The following WAC variants were observed in gnomAD, a reference collection of about 807,000 sequenced individuals.
WAC encodes the protein WW domain containing adaptor with coiled-coil, also known as WW domain-containing adapter protein with coiled-coil.
In WAC, 11 loss-of-function variants were observed where a neutral mutation model predicts 79.6. The ratio of observed to expected loss-of-function variants is 0.14; its 90% CI spans 0.09 to 0.23. The LOEUF (loss-of-function observed/expected upper bound fraction) is 0.23, where lower values mean the gene tolerates loss of function less well. Ranked by LOEUF, WAC falls within the 10% of genes least tolerant of loss-of-function variation. The pLI, the probability that WAC is intolerant of heterozygous loss-of-function variation, is 1.00. For synonymous variants in WAC, 304 were observed against 276.9 expected, an observed-to-expected ratio of 1.10 and a Z score of -0.97; for missense variants, 728 against 773.5, an observed-to-expected ratio of 0.94 and a Z score of 0.70.
At position 28,590,800 on chromosome 10, in the gene WAC, AAGCAAC is replaced by A; in HGVS notation, c.582_587del (p.Ala196_Thr197del). 6.2e-7 allele frequency: 1 copy of A among 1,611,840 alleles called. No individual in the cohort carries two copies. The highest frequency in any genetic ancestry group is 8.5e-7 in the Non-Finnish European group (1 of 1,179,436). Reference sequence around the variant, plus strand: ...AGGGATTACAGAAGAGAGGTGATGCAAGCAACAGCCACTAGTGGGTTTGCCAGTGGA... The same window carrying A: ...AGGGATTACAGAAGAGAGGTGATGCAAGCCACTAGTGGGTTTGCCAGTGGA... On this transcript the variant is annotated inframe_deletion, in exon 6 of 14. Coordinates refer to ENST00000354911, the MANE Select transcript of WAC (RefSeq NM_016628.5).
chr10:28,540,851 C>A (rs1178796506), intron 3 of WAC, among the ~76,000 whole-genome samples: 1 of 151,854 alleles, frequency 6.6e-6, no homozygotes, highest in Non-Finnish European at 1.5e-5. Flanking sequence ...GAAGGAGTAG[C>A]AGTCTTAATG....
intron 3 of WAC, among the ~76,000 whole-genome samples, chr10:28,580,918 C>T (rs554549701): frequency 1.3e-5 from 2 of 152,096 alleles, no homozygotes; most frequent in Non-Finnish European, 2.9e-5. Context: ...CTGTGACTTA[C>T]TACAGTGGAC....
intron 1 of WAC, 52 bp from the exon 2 acceptor site, chr10:28,533,946 C>G (rs573773244): frequency 1.3e-6 from 2 of 1,595,552 alleles, no homozygotes; most frequent in African/African-American, 1.4e-5. Flanking sequence ...TCCTCCCCGG[C>G]CCCCCACCCG....
chr10:28,573,299 T>C (rs1839074313), intron 3 of WAC, among the ~76,000 whole-genome samples: 1 of 152,174 alleles, frequency 6.6e-6, no homozygotes, highest in Non-Finnish European at 1.5e-5. Flanking sequence ...CTTTCATTTT[T>C]TCTTCTCAAA....
chr10:28,577,151 G>A (rs1380930907), intron 3 of WAC, among the ~76,000 whole-genome samples: 1 of 152,004 alleles, frequency 6.6e-6, no homozygotes, highest in African/African-American at 2.4e-5. Flanking sequence ...TATAAGTTTC[G>A]CTTTTCACCA....
At position 28,595,789 on chromosome 10, in the gene WAC, C is replaced by G; in HGVS notation, c.667C>G (p.Gln223Glu). The G allele has an allele frequency of 6.2e-7, 1 of 1,614,090 alleles. No homozygotes were observed. The highest frequency in any genetic ancestry group is 8.5e-7 in the Non-Finnish European group (1 of 1,180,004). The change falls in exon 7 of 14, where the codon CAA (glutamine) becomes GAA (glutamate). Residue 223 changes from glutamine to glutamate, a missense_variant. Gln to Glu is a conservative substitution (Grantham distance 29). This residue lies in a region of WAC where 648 missense variants were observed against 661.5 expected (regional missense o/e 0.98). Transcript: ENST00000354911. ...TTTGCTCCCACAGAATATTTTGTCT[C>G]AAACAAGCAGACACAATGACAGAGA... is the stretch of plus-strand genomic sequence containing the variant. ...SSLLPQNILS[Q>E]TSRHNDRDYR...
rs1353734882 is a variant in WAC, at chr10:28,608,257, A to T, written c.991A>T (p.Asn331Tyr). 2 of 1,614,012 alleles carry T rather than the reference A, an allele frequency of 1.2e-6. No individual in the cohort carries two copies. Residue 331 changes from asparagine to tyrosine, a missense_variant, in exon 8 of 14, where the codon AAC (asparagine) becomes TAC (tyrosine). By Grantham distance (143) the Asn-to-Tyr change is moderately radical. Around this residue, in one of 3 missense-constraint regions of WAC, gnomAD observed 648 missense variants for 661.5 expected, o/e 0.98. Transcript: ENST00000354911. ...TPSTSSASGL[N>Y]PTSAPPTSAS... ...TTCCACGTCTTCTGCCTCTGGACTG[A>T]ACCCCACATCTGCACCTCCAACATC...
chr10:28,573,313 C>T (rs1839074752), intron 3 of WAC, among the ~76,000 whole-genome samples: 1 of 152,040 alleles, frequency 6.6e-6, no homozygotes, highest in African/African-American at 2.4e-5. Flanking sequence ...TCTCAAAGCC[C>T]AACTCCCCAA....
rs1307362980 is a variant in WAC at position 28,584,090 on chromosome 10, C to A, written c.381+585C>A. Among the ~76,000 whole-genome samples the A allele has an allele frequency of 2.0e-5, 3 of 152,234 alleles. No homozygotes were observed. The East Asian group carries it at 5.8e-4, about 29-fold the overall frequency. On this transcript the variant is annotated intron_variant, in intron 4 of 13. Coordinates refer to ENST00000354911, the MANE Select transcript of WAC (RefSeq NM_016628.5). ...AAGGTTTTAATTCACCAGGCATATG[C>A]TAAGCTGCATATATATGGAATGTGG...
chr10:28,587,947 A>G (rs953645275), intron 4 of WAC, among the ~76,000 whole-genome samples: 1 of 152,052 alleles, frequency 6.6e-6, no homozygotes, highest in African/African-American at 2.4e-5. Context: ...TTAAAGCACA[A>G]CTTCTGTGAA....
chr10:28,610,841 A>G lies in WAC; in HGVS notation c.1288+20A>G, dbSNP rs772077840. 3 of 1,580,462 alleles carry G rather than the reference A, an allele frequency of 1.9e-6. No individual in the cohort carries two copies. Among genetic ancestry groups the G allele is most frequent in the South Asian group, 1.2e-5 (1 of 83,462 alleles). ...CACAAGGTATTCTTACTCATCTTAG[A>G]TATCTCTAGAATGGCATCTTGATTT... On this transcript the variant is annotated intron_variant, in intron 9 of 13. Transcript: ENST00000354911.
At chr10:28,560,199 T>A (rs562783040) in intron 3 of WAC, among the ~76,000 whole-genome samples, 1 of 151,880 alleles carries the variant, frequency 6.6e-6, no homozygotes, top group Non-Finnish European at 1.5e-5. Context: ...ATAAAAAATT[T>A]AAAAATTAGC....
upstream of WAC, chr10:28,532,900 G>T (rs574337263): frequency 6.5e-6 from 1 of 153,208 alleles, no homozygotes; most frequent in Admixed American, 6.5e-5. Context: ...ATCCCTAAAC[G>T]GGAACGGCGG....
intron 7 of WAC, among the ~76,000 whole-genome samples, chr10:28,602,737 G>GC (rs1840703661): frequency 6.6e-6 from 1 of 152,156 alleles, no homozygotes; most frequent in South Asian, 2.1e-4. Context: ...ACAGTAGTTT[G>GC]CAAGGGTACC....
intron 3 of WAC, among the ~76,000 whole-genome samples, chr10:28,539,066 CTAA>C (rs1213883457): frequency 6.6e-6 from 1 of 151,982 alleles, no homozygotes; most frequent in African/African-American, 2.4e-5. Flanking sequence ...ATTTTCTTTA[CTAA>C]TAATAACCTA....
At chr10:28,613,312 G>A (rs1841333546) in intron 10 of WAC, among the ~76,000 whole-genome samples, 1 of 152,192 alleles carries the variant, frequency 6.6e-6, no homozygotes, top group African/African-American at 2.4e-5. Context: ...GTGCAGTTGA[G>A]CCAAGATCAC....
intron 3 of WAC, among the ~76,000 whole-genome samples, chr10:28,554,475 A>T (rs550305662): frequency 9.2e-5 from 14 of 152,240 alleles, no homozygotes; most frequent in African/African-American, 3.4e-4. Context: ...ACTTAAGTTC[A>T]TTTTTGTATC....
At chr10:28,551,855 C>T (rs1472429833) in intron 3 of WAC, among the ~76,000 whole-genome samples, 20 of 140,390 alleles carry the variant, frequency 1.4e-4, no homozygotes, top group Middle Eastern at 4.2e-3. Context: ...GATGGAGTCT[C>T]GCTCTGTTGC....
intron 3 of WAC, among the ~76,000 whole-genome samples, chr10:28,551,026 C>T (rs1234848695): frequency 5.3e-5 from 8 of 151,920 alleles, no homozygotes. Context: ...TTTCTCAAAC[C>T]CTCTTAAATT....
Sources: allele counts gnomAD v4.1 joint callset (sites outside exome capture counted in the v4.1 genomes callset), GRCh38; gene constraint gnomAD v4.1.1; regional missense constraint gnomAD v4.1.1; transcripts MANE v1.5; gene names NCBI Gene and HGNC (gene_info 2026-07-23, HGNC 2026-07-21).